Variants in GUCY1B1 observed in about 807,000 individuals in gnomAD.
The protein encoded by GUCY1B1 is guanylate cyclase 1 soluble subunit beta 1, also known as guanylate cyclase soluble subunit beta-1.
Under a neutral mutation model 71.0 loss-of-function variants are expected in GUCY1B1, and 43 were observed. The observed-to-expected ratio is 0.61, with a 90% CI of 0.47 to 0.78. The LOEUF (loss-of-function observed/expected upper bound fraction) is 0.78, where lower values mean the gene tolerates loss of function less well. Ranked by LOEUF, GUCY1B1 falls within the 30% of genes least tolerant of loss-of-function variation. The probability of loss-of-function intolerance (pLI) is 0.00; values close to 1 mark genes in which losing one functional copy is unlikely to be tolerated. For missense variants in GUCY1B1, 535 were observed against 754.1 expected (o/e 0.71, Z 3.40); for synonymous variants, 266 against 259.7 (o/e 1.02, Z -0.23).
At chr4:155,759,666 A>G (rs1736824857) in intron 1 of GUCY1B1, 121 bp from the exon 2 acceptor site, 4 of 663,630 alleles carry the variant, frequency 6.0e-6, no homozygotes, top group Non-Finnish European at 1.1e-5. Flanking sequence ...AAGGGAGAGG[A>G]GTCAGGGGCG....
At chr4:155,799,786 G>A (rs1739817324) in intron 8 of GUCY1B1, 91 bp from the exon 9 acceptor site, 5 of 656,134 alleles carry the variant, frequency 7.6e-6, no homozygotes, top group Non-Finnish European at 1.3e-5. Flanking sequence ...ATGGTAGGAG[G>A]TGGCAGGATC....
chr4:155,801,738 T>G (rs1216142591), intron 9 of GUCY1B1, among the ~76,000 whole-genome samples: 1 of 152,206 alleles, frequency 6.6e-6, no homozygotes, highest in African/African-American at 2.4e-5. Context: ...CATTTGTCCC[T>G]TAGCATGATC....
rs1739470862 is a variant in GUCY1B1 at position 155,795,323 on chromosome 4, T to C, written c.727-18T>C. On this transcript the variant is annotated intron_variant, in intron 6 of 13. Coordinates refer to ENST00000264424, the MANE Select transcript of GUCY1B1 (RefSeq NM_000857.5). Reference sequence around the variant, plus strand: ...TTTTAACTGATGTGATACTCTTTGCTCTCTATCTATATTTTAGCTCCAGCC... The same window carrying C: ...TTTTAACTGATGTGATACTCTTTGCCCTCTATCTATATTTTAGCTCCAGCC... 5 of 1,306,494 alleles carry C rather than the reference T, an allele frequency of 3.8e-6. No individual in the cohort carries two copies. Among genetic ancestry groups the C allele is most frequent in the Non-Finnish European group, 4.4e-6 (4 of 903,532 alleles). The allele number at this position is 1,306,494 out of a possible 1,614,324, so 80.9% of individuals were successfully genotyped here. A position where few individuals can be genotyped will look rare whatever the true frequency, so the allele number is the denominator to read the frequency against.
rs1163395979 is a variant in GUCY1B1 at position 155,807,726 on chromosome 4, G to A, written c.*1317G>A. The A allele has an allele frequency of 6.6e-6, 1 of 151,860 alleles. No homozygotes were observed. Among genetic ancestry groups the A allele is most frequent in the African/African-American group, 2.4e-5 (1 of 41,346 alleles). 9.4% of individuals were successfully genotyped at this position (151,860 alleles called of 1,614,324 possible). On this transcript the variant is annotated 3_prime_UTR_variant, in exon 14 of 14. Coordinates refer to ENST00000264424, the MANE Select transcript of GUCY1B1 (RefSeq NM_000857.5). ...AATTTTCACTGACTCCTCATAGACA[G>A]CATATTCTTAAATGCTATATTTCTT...
rs911885961 is a variant in GUCY1B1, at chr4:155,803,597, T to G, written c.1414-27T>G. The G allele has an allele frequency of 5.6e-6, 8 of 1,423,162 alleles. No homozygotes were observed. The African/African-American group carries it at 1.2e-4, about 21-fold the overall frequency. 88.2% of individuals were successfully genotyped at this position (1,423,162 alleles called of 1,614,324 possible). ...GAAACAGTCTTTTTTATGCTAACCGTGAACATCTAAATATATGTACTGTTA... is the reference window on the plus strand; with the variant it reads ...GAAACAGTCTTTTTTATGCTAACCGGGAACATCTAAATATATGTACTGTTA... On this transcript the variant is annotated intron_variant, in intron 10 of 13. Transcript: ENST00000264424.
intron 6 of GUCY1B1, among the ~76,000 whole-genome samples, chr4:155,794,834 C>T (rs963339155): frequency 6.6e-6 from 1 of 152,126 alleles, no homozygotes; most frequent in Non-Finnish European, 1.5e-5. Flanking sequence ...TCACTTCTCT[C>T]AGCCTGTTTC....
intron 2 of GUCY1B1, among the ~76,000 whole-genome samples, chr4:155,774,224 C>T (rs139261891): frequency 1.3e-5 from 2 of 152,306 alleles, no homozygotes; most frequent in East Asian, 1.9e-4. Flanking sequence ...CTCTCCTACC[C>T]GTTCCCTGAT....
rs566186820 is a variant in GUCY1B1, at chr4:155,791,534, TC to T, written c.495+1625del. 6.3e-3 allele frequency among the ~76,000 whole-genome samples: 926 copies of T among 146,730 alleles called. 9 individuals are homozygous for T. Among genetic ancestry groups the T allele is most frequent in the Middle Eastern group, 0.021 (6 of 286 alleles). On this transcript the variant is annotated intron_variant, in intron 5 of 13. Coordinates refer to ENST00000264424, the MANE Select transcript of GUCY1B1 (RefSeq NM_000857.5). The stretch of plus-strand genomic sequence containing the variant: ...TCACGAGGTCAGGAGATTGAGACCA[TC>T]CTGGCTAACACGGTGAAACCCCGTC...
chr4:155,784,047 C>T (rs1738607492), intron 4 of GUCY1B1, among the ~76,000 whole-genome samples: 1 of 151,964 alleles, frequency 6.6e-6, no homozygotes, highest in African/African-American at 2.4e-5. Flanking sequence ...TAGACTGGAT[C>T]TTTTTTAACA....
intron 2 of GUCY1B1, among the ~76,000 whole-genome samples, chr4:155,773,552 A>G (rs1737832502): frequency 6.6e-6 from 1 of 152,156 alleles, no homozygotes; most frequent in Non-Finnish European, 1.5e-5. Context: ...AAACATCTCA[A>G]ACTTAATATG....
rs764320308 is a variant in GUCY1B1 at position 155,794,100 on chromosome 4, A to G, written c.726+14A>G. 6.4e-6 allele frequency: 9 copies of G among 1,416,244 alleles called. No homozygotes were observed. Among genetic ancestry groups the G allele is most frequent in the Middle Eastern group, 1.8e-4 (1 of 5,680 alleles). The allele number at this position is 1,416,244 out of a possible 1,614,324, so 87.7% of individuals were successfully genotyped here. A position where few individuals can be genotyped will look rare whatever the true frequency, so the allele number is the denominator to read the frequency against. ...GTTCTCCCCCAGGTAAAATGACAGC[A>G]TACTTCCTTGGGGCCTGAGACAAAA... On this transcript the variant is annotated intron_variant, in intron 6 of 13. Transcript: ENST00000264424.
chr4:155,762,474 A>T (rs552216175), intron 2 of GUCY1B1, among the ~76,000 whole-genome samples: 3 of 152,174 alleles, frequency 2.0e-5, no homozygotes, highest in African/African-American at 4.8e-5. Flanking sequence ...ATGAGAAAGG[A>T]TGGGAAAAGA....
intron 3 of GUCY1B1, among the ~76,000 whole-genome samples, chr4:155,777,206 CA>C (rs1364766318): frequency 6.6e-6 from 1 of 152,118 alleles, no homozygotes; most frequent in Non-Finnish European, 1.5e-5. Context: ...CGTTGGTGAC[CA>C]AAAAGTTTCA....
intron 4 of GUCY1B1, chr4:155,785,436 T>C (rs2111083908): frequency 1.7e-6 from 1 of 581,660 alleles, no homozygotes; most frequent in South Asian, 2.3e-5. Flanking sequence ...CTTCTGTGGG[T>C]ATATTTAGAA....
chr4:155,774,366 G>A (rs575855283), intron 2 of GUCY1B1, among the ~76,000 whole-genome samples: 129 of 152,144 alleles, frequency 8.5e-4, no homozygotes, highest in Middle Eastern at 6.8e-3. Flanking sequence ...TAAATTGCTC[G>A]TGGCTTACTC....
In GUCY1B1 at chr4:155,802,656, TC is replaced by T; in HGVS notation, c.1413+78del. ...AGACTCCCCTCCAGAGGCCATGTCA[TC>T]ACAGCTCTCTGACTCCAGCACTGCA... On this transcript the variant is annotated intron_variant, in intron 10 of 13. Transcript: ENST00000264424. The surrounding 1 kb of genome is among the most constrained non-coding windows in gnomAD (Gnocchi z 4.3). 7.8e-7 allele frequency: 1 copy of T among 1,283,874 alleles called. No individual in the cohort carries two copies. The highest frequency in any genetic ancestry group is 1.1e-6 in the Non-Finnish European group (1 of 939,366). 79.5% of individuals were successfully genotyped at this position (1,283,874 alleles called of 1,614,324 possible). A position where few individuals can be genotyped will look rare whatever the true frequency, so the allele number is the denominator to read the frequency against.
chr4:155,777,471 A>G (rs1044746305), intron 3 of GUCY1B1, 53 bp from the exon 4 acceptor site: 18 of 912,068 alleles, frequency 2.0e-5, no homozygotes, highest in African/African-American at 3.3e-5. Context: ...TTTTCTATTA[A>G]CAATATTTCA....
At chr4:155,799,131 C>G (rs1230780926) in intron 8 of GUCY1B1, among the ~76,000 whole-genome samples, 1 of 152,096 alleles carries the variant, frequency 6.6e-6, no homozygotes, top group Non-Finnish European at 1.5e-5. Context: ...CCACTGTGCC[C>G]AGCCTCAAAG....
intron 2 of GUCY1B1, 89 bp downstream of exon 2, chr4:155,759,949 C>T: frequency 1.1e-6 from 1 of 929,516 alleles, no homozygotes; most frequent in Non-Finnish European, 1.7e-6. Context: ...GCCTGCTGGC[C>T]GGGTCGCGGG....
Sources: gnomAD v4.1 joint callset for allele counts (sites outside exome capture counted in the v4.1 genomes callset) on GRCh38, gnomAD v4.1.1 for gene constraint, Gnocchi (gnomAD v3.1) non-coding constraint, MANE v1.5 for transcripts, NCBI Gene and HGNC (gene_info 2026-07-23, HGNC 2026-07-21) for gene names.